INPP5E: variants seen among roughly 807,000 people sequenced by gnomAD.
The protein encoded by INPP5E is phosphatidylinositol polyphosphate 5-phosphatase type IV.
In INPP5E, 34 loss-of-function variants were observed where a neutral mutation model predicts 50.5. The ratio of observed to expected loss-of-function variants is 0.67; its 90% CI spans 0.51 to 0.90. The LOEUF (loss-of-function observed/expected upper bound fraction) is 0.90, where lower values mean the gene tolerates loss of function less well. Among genes scored for constraint, INPP5E ranks in the 40% least tolerant of loss-of-function variants. The pLI, the probability that INPP5E is intolerant of heterozygous loss-of-function variation, is 0.00. For missense variants in INPP5E, 942 were observed against 905.5 expected (o/e 1.04, Z -0.52); for synonymous variants, 447 against 406.0 (o/e 1.10, Z -1.21).
At position 136,434,853 on chromosome 9, in the gene INPP5E, C is replaced by T; in HGVS notation, c.823G>A (p.Glu275Lys). The T allele has an allele frequency of 6.2e-7, 1 of 1,607,930 alleles. No individual in the cohort carries two copies. Among genetic ancestry groups the T allele is most frequent in the Non-Finnish European group, 8.5e-7 (1 of 1,177,984 alleles). Residue 275 changes from glutamate to lysine, a missense_variant, in exon 2 of 10, where the codon GAG becomes AAG. Coordinates refer to ENST00000371712, the MANE Select transcript of INPP5E (RefSeq NM_019892.6). Reference protein sequence around the residue: ...SKDVRSRSYLEGSLLASGALL... With the variant: ...SKDVRSRSYLKGSLLASGALL... ...GCCCCGCTGGCCAGGAGGCTGCCCT[C>T]CAGGTAACTCCTGTGACGGGAGGAC...
In INPP5E at chr9:136,439,069, C is replaced by T; in HGVS notation, c.351G>A (p.Gln117=). ...GGGCGGGGGCCCCGGGGCCCTCGCT[C>T]TGCACTGAGCCCCTGGAGGGACTGG... The part of the protein sequence containing the change: ...NGTSPSRGSV[Q]SEGPGAPAHS... Residue 117 remains glutamine, a synonymous_variant, in exon 1 of 10, where the codon CAG becomes CAA. Transcript: ENST00000371712. 2 of 1,568,384 alleles carry T rather than the reference C, an allele frequency of 1.3e-6. No individual in the cohort carries two copies. Among genetic ancestry groups the T allele is most frequent in the South Asian group, 2.3e-5 (2 of 85,708 alleles).
chr9:136,433,690 C>T (rs962021776), intron 3 of INPP5E, among the ~76,000 whole-genome samples: 4 of 152,230 alleles, frequency 2.6e-5, no homozygotes, highest in Non-Finnish European at 2.9e-5. Context: ...TACTCTCGCA[C>T]GCCAACAGTT....
In INPP5E at chr9:136,429,358, A is replaced by C; in HGVS notation, c.*317T>G. On this transcript the variant is annotated 3_prime_UTR_variant, in exon 10 of 10. Coordinates refer to ENST00000371712, the MANE Select transcript of INPP5E (RefSeq NM_019892.6). ...TGCCCCCAGGGCACAGGAGCTGCTCAGGAACGGATTCTGACGTCTGCCCCC... is the reference window on the plus strand; with the variant it reads ...TGCCCCCAGGGCACAGGAGCTGCTCCGGAACGGATTCTGACGTCTGCCCCC... 4.3e-6 allele frequency: 2 copies of C among 460,860 alleles called. No individual in the cohort carries two copies. The highest frequency in any genetic ancestry group is 3.4e-5 in the Admixed American group (1 of 29,572). The allele number at this position is 460,860 out of a possible 1,614,324, so 28.5% of individuals were successfully genotyped here.
chr9:136,434,186 C>A, intron 2 of INPP5E, 52 bp from the exon 3 acceptor site: 1 of 1,318,776 alleles, frequency 7.6e-7, no homozygotes. Flanking sequence ...CCTGCAGGCG[C>A]CTGTGGGTGA....
Position 136,431,939 on chromosome 9 carries a change from GAA to G in INPP5E, c.1432_1433del (p.Phe478GlnfsTer59). ...TGCGCCCGCCACTCAGGCGGAAGTT[GAA>G]GTCTCCAAACCAGAACACCTCATCG... ...RFDEVFWFGDFNFRLSGGRTV... is the reference protein window; with the variant it reads ...RFDEVFWFGDXNFRLSGGRTV... On this transcript the variant is annotated frameshift_variant, in exon 7 of 10. Transcript: ENST00000371712. LOFTEE classifies it high-confidence loss of function. The G allele has an allele frequency of 6.2e-7, 1 of 1,612,168 alleles. No homozygotes were observed. Among genetic ancestry groups the G allele is most frequent in the South Asian group, 1.1e-5 (1 of 91,020 alleles).
At position 136,429,400 on chromosome 9, in the gene INPP5E, C is replaced by A. The variant is rs184676308; in HGVS notation, c.*275G>T. 1 of 544,688 alleles carries A rather than the reference C, an allele frequency of 1.8e-6. No individual in the cohort carries two copies. Among genetic ancestry groups the A allele is most frequent in the Non-Finnish European group, 3.3e-6 (1 of 301,100 alleles). 33.7% of individuals were successfully genotyped at this position (544,688 alleles called of 1,614,324 possible). A position where few individuals can be genotyped will look rare whatever the true frequency, so the allele number is the denominator to read the frequency against. On this transcript the variant is annotated 3_prime_UTR_variant, in exon 10 of 10. Transcript: ENST00000371712. Reference sequence around the variant, plus strand: ...TCTGCCCCCGAGAGTGGCTGGGGTCCGTGGTGCTGCTGGGCGGGTCCAAAC... The same window carrying A: ...TCTGCCCCCGAGAGTGGCTGGGGTCAGTGGTGCTGCTGGGCGGGTCCAAAC...
At chr9:136,432,423 G>C in intron 6 of INPP5E, 56 bp downstream of exon 6, 1 of 1,237,742 alleles carries the variant, frequency 8.1e-7, no homozygotes, top group Non-Finnish European at 1.2e-6. Flanking sequence ...AAAAACGACG[G>C]GCGCCCGTGT....
In INPP5E at chr9:136,431,013, G is replaced by A; in HGVS notation, c.1654C>T (p.Pro552Ser). 2 of 1,610,418 alleles carry A rather than the reference G, an allele frequency of 1.2e-6. No individual in the cohort carries two copies. Among genetic ancestry groups the A allele is most frequent in the Non-Finnish European group, 1.7e-6 (2 of 1,177,116 alleles). ...TYDSTSKQRTPSYTDRVLYRS... is the reference protein window; with the variant it reads ...TYDSTSKQRTSSYTDRVLYRS... ...TGGGCAGGCCTCACCGTGTATGAGG[G>A]CGTCCTCTGCTTGGAGGTGCTGTCG... The change falls in exon 8 of 10, where the codon CCC becomes TCC. Residue 552 changes from proline to serine, a missense_variant. Physicochemically the swap from Pro to Ser is moderately conservative, Grantham distance 74. Coordinates refer to ENST00000371712, the MANE Select transcript of INPP5E (RefSeq NM_019892.6).
chr9:136,430,184 G>A, intron 9 of INPP5E, 93 bp downstream of exon 9: 1 of 1,490,690 alleles, frequency 6.7e-7, no homozygotes, highest in Non-Finnish European at 9.1e-7. Flanking sequence ...AAAGCCCCAA[G>A]TGGAACCCCA....
Position 136,432,966 on chromosome 9 carries a change from G to A in INPP5E, c.1269C>T (p.Ser423=). 1.2e-6 allele frequency: 2 copies of A among 1,613,126 alleles called. No individual in the cohort carries two copies. The highest frequency in any genetic ancestry group is 2.2e-5 in the South Asian group (2 of 90,960). Residue 423 remains serine, a synonymous_variant, in exon 5 of 10, where the codon TCC becomes TCT. Transcript: ENST00000371712. ...FFGTSFLFIT[S]HFTSGDGKVA... ...CACCAAGCAACTTACAGGTGAAGTG[G>A]GACGTGATGAAGAGGAAGGAAGTGC...
Position 136,439,242 on chromosome 9 carries a change from CG to C in INPP5E, c.177del (p.Ser59ArgfsTer75), listed in dbSNP as rs1308541649. The C allele has an allele frequency of 1.2e-5, 19 of 1,520,446 alleles. No individual in the cohort carries two copies. Among genetic ancestry groups the C allele is most frequent in the Non-Finnish European group, 1.7e-5 (19 of 1,139,716 alleles). 94.2% of individuals were successfully genotyped at this position (1,520,446 alleles called of 1,614,324 possible). Reference protein sequence around the residue: ...ALACSTPATPSGEDPPARAAP... With the variant: ...ALACSTPATPXGEDPPARAAP... ...GCTGCTCGGGCTGGCGGGTCCTCGCCGCTGGGCGTGGCCGGAGTGCTGCAGG... is the reference window on the plus strand; with the variant it reads ...GCTGCTCGGGCTGGCGGGTCCTCGCCCTGGGCGTGGCCGGAGTGCTGCAGG... On this transcript the variant is annotated frameshift_variant, in exon 1 of 10. Transcript: ENST00000371712. LOFTEE classifies it high-confidence loss of function.
intron 5 of INPP5E, 79 bp downstream of exon 5, chr9:136,432,877 C>A: frequency 6.5e-7 from 1 of 1,547,690 alleles, no homozygotes; most frequent in South Asian, 1.2e-5. Flanking sequence ...GGTCAGGACC[C>A]CTGCCTTGGA....
Position 136,439,072 on chromosome 9 carries a change from C to T in INPP5E, c.348G>A (p.Val116=), listed in dbSNP as rs772257147. 11 of 1,568,988 alleles carry T rather than the reference C, an allele frequency of 7.0e-6. No individual in the cohort carries two copies. The highest frequency in any genetic ancestry group is 7.8e-6 in the Non-Finnish European group (9 of 1,157,984). The change falls in exon 1 of 10, where the codon GTG becomes GTA. Residue 116 remains valine, a synonymous_variant. Transcript: ENST00000371712. The stretch of plus-strand genomic sequence containing the variant: ...CGGGGGCCCCGGGGCCCTCGCTCTG[C>T]ACTGAGCCCCTGGAGGGACTGGTCC... ...RNGTSPSRGS[V]QSEGPGAPAH... is the part of the protein sequence containing the mutation.
Position 136,431,797 on chromosome 9 carries a change from T to A in INPP5E, c.1549+27A>T, listed in dbSNP as rs200903625. On this transcript the variant is annotated intron_variant, in intron 7 of 9. Transcript: ENST00000371712. ...AGGCCCTCACCTCTCCTCATCTCCC[T>A]CCATGCCCGCCCCCCCAGGCCCTCA... 20 of 1,029,228 alleles carry A rather than the reference T, an allele frequency of 1.9e-5. No individual in the cohort carries two copies. Among genetic ancestry groups the A allele is most frequent in the Admixed American group, 3.1e-5 (1 of 32,458 alleles). The allele number at this position is 1,029,228 out of a possible 1,614,324, so 63.8% of individuals were successfully genotyped here. A position where few individuals can be genotyped will look rare whatever the true frequency, so the allele number is the denominator to read the frequency against.
rs774738007 is a variant in INPP5E at position 136,438,941 on chromosome 9, G to C, written c.479C>G (p.Pro160Arg). The change falls in exon 1 of 10, where the codon CCT becomes CGT. Residue 160 changes from proline to arginine, a missense_variant. Transcript: ENST00000371712. ...ERGSPSSGGNPLSGVASSSPN... is the reference protein window; with the variant it reads ...ERGSPSSGGNRLSGVASSSPN... ...GGAGCTGCTGGCCACCCCAGAGAGA[G>C]GGTTACCCCCCGAGGACGGGCTCCC... is the stretch of plus-strand genomic sequence containing the variant. The C allele has an allele frequency of 1.3e-5, 21 of 1,569,728 alleles. No homozygotes were observed. Among genetic ancestry groups the C allele is most frequent in the Non-Finnish European group, 1.6e-5 (19 of 1,157,834 alleles).
chr9:136,432,178 G>A lies in INPP5E; in HGVS notation c.1388-193C>T, dbSNP rs372717217. 3.3e-4 allele frequency among the ~76,000 whole-genome samples: 50 copies of A among 152,310 alleles called. No individual in the cohort carries two copies. The East Asian group carries it at 5.0e-3, about 15-fold the overall frequency. ...ACCTGGAGCAGCCTCAGGAGCAGAC[G>A]ATGCCCATGGCAGGCGATGGCCACG... On this transcript the variant is annotated intron_variant, in intron 6 of 9. Coordinates refer to ENST00000371712, the MANE Select transcript of INPP5E (RefSeq NM_019892.6).
At chr9:136,432,897 G>A (rs777141135) in intron 5 of INPP5E, 59 bp downstream of exon 5, 63 of 1,590,088 alleles carry the variant, frequency 4.0e-5, no homozygotes, top group African/African-American at 3.1e-4. Flanking sequence ...ACAGGGTCCC[G>A]GTCAGGAGAG....
In INPP5E at chr9:136,428,892, G is replaced by A. The variant is rs939611727; in HGVS notation, c.*783C>T. On this transcript the variant is annotated 3_prime_UTR_variant, in exon 10 of 10. Coordinates refer to ENST00000371712, the MANE Select transcript of INPP5E (RefSeq NM_019892.6). ...TTCCACTAATGTCATTCCGCGGCTG[G>A]AGTTAAAGAAGCAAACGGTCTACGT... 1 of 152,526 alleles carries A rather than the reference G, an allele frequency of 6.6e-6. No individual in the cohort carries two copies. The highest frequency in any genetic ancestry group is 2.4e-5 in the African/African-American group (1 of 41,438). The allele number at this position is 152,526 out of a possible 1,614,324, so 9.4% of individuals were successfully genotyped here. A position where few individuals can be genotyped will look rare whatever the true frequency, so the allele number is the denominator to read the frequency against.
rs1029789856 is a variant in INPP5E, at chr9:136,430,882, G to A, written c.1665+120C>T. The A allele has an allele frequency of 8.0e-6, 6 of 746,956 alleles. No homozygotes were observed. The African/African-American group carries it at 1.0e-4, about 13-fold the overall frequency. 46.3% of individuals were successfully genotyped at this position (746,956 alleles called of 1,614,324 possible). ...GGACTTGCCACAAGGCCAAGGTGCA[G>A]AGCTGAGTTTCAAGTCCAGGCCGTC... On this transcript the variant is annotated intron_variant, in intron 8 of 9. Transcript: ENST00000371712.
Sources: gnomAD v4.1 joint callset for allele counts (sites outside exome capture counted in the v4.1 genomes callset) on GRCh38, gnomAD v4.1.1 for gene constraint, MANE v1.5 for transcripts, NCBI Gene and HGNC (gene_info 2026-07-23, HGNC 2026-07-21) for gene names.